The following ME1 variants were observed in gnomAD, a reference collection of about 807,000 sequenced individuals.
ME1 encodes malic enzyme 1.
ME1 carries 74 observed loss-of-function variants against 66.4 expected under a neutral mutation model. That is an observed-to-expected ratio of 1.11 (90% CI 0.92 to 1.35). ME1 has a LOEUF of 1.35. Among genes scored for constraint, ME1 ranks in the 40% most tolerant of loss-of-function variants. The pLI is 0.00. For synonymous variants in ME1, 251 were observed against 235.6 expected (o/e 1.07, Z -0.60); for missense variants, 750 against 694.1 (o/e 1.08, Z -0.90).
chr6:83,392,964 A>G, intron 3 of ME1: 2 of 843,036 alleles, frequency 2.4e-6, no homozygotes, highest in Admixed American at 1.8e-5. Flanking sequence ...CCAGAAGACT[A>G]TGGATGGCTC....
At chr6:83,388,138 A>C (rs1769550127) in intron 3 of ME1, among the ~76,000 whole-genome samples, 1 of 143,670 alleles carries the variant, frequency 7.0e-6, no homozygotes, top group South Asian at 2.1e-4. Flanking sequence ...GGCTAGAAAG[A>C]GTGCAGTGGT....
At chr6:83,375,745 CTT>C (rs900807322) in intron 3 of ME1, among the ~76,000 whole-genome samples, 1 of 152,034 alleles carries the variant, frequency 6.6e-6, no homozygotes, top group African/African-American at 2.4e-5. Flanking sequence ...ATAAATGGCT[CTT>C]ATTATTTTGA....
intron 1 of ME1, among the ~76,000 whole-genome samples, chr6:83,417,153 A>G (rs1207167275): frequency 6.6e-6 from 1 of 152,072 alleles, no homozygotes; most frequent in Non-Finnish European, 1.5e-5. Context: ...GGGCTCAAGC[A>G]ATCCTCTTGC....
chr6:83,389,968 T>C (rs530323445), intron 3 of ME1, among the ~76,000 whole-genome samples: 19 of 152,106 alleles, frequency 1.2e-4, no homozygotes, highest in Admixed American at 1.1e-3. Flanking sequence ...AAAATGATTA[T>C]CTATGACATC....
intron 6 of ME1, among the ~76,000 whole-genome samples, chr6:83,266,337 A>C (rs1168408914): frequency 6.6e-6 from 1 of 152,224 alleles, no homozygotes. Flanking sequence ...AGAATGGTAC[A>C]TTTAGAAATA....
intron 3 of ME1, among the ~76,000 whole-genome samples, chr6:83,356,467 A>G (rs543246879): frequency 6.6e-6 from 1 of 152,302 alleles, no homozygotes; most frequent in South Asian, 2.1e-4. Context: ...TAAAGATGCA[A>G]ATTTAGGATA....
intron 12 of ME1, among the ~76,000 whole-genome samples, chr6:83,219,023 T>G (rs1206419444): frequency 6.6e-6 from 1 of 152,184 alleles, no homozygotes; most frequent in Non-Finnish European, 1.5e-5. Flanking sequence ...GGTATTTAAT[T>G]AAAAGAATAT....
intron 6 of ME1, among the ~76,000 whole-genome samples, chr6:83,261,826 C>G (rs1391282875): frequency 6.6e-6 from 1 of 151,782 alleles, no homozygotes; most frequent in Non-Finnish European, 1.5e-5. Flanking sequence ...CCAGCCTGGC[C>G]AACATGGTGA....
At chr6:83,303,274 G>T (rs535953305) in intron 6 of ME1, among the ~76,000 whole-genome samples, 1 of 152,124 alleles carries the variant, frequency 6.6e-6, no homozygotes, top group African/African-American at 2.4e-5. Flanking sequence ...TATTCTTTGC[G>T]AAGTTAATTT....
intron 5 of ME1, among the ~76,000 whole-genome samples, chr6:83,341,820 C>T (rs1351350159): frequency 1.3e-5 from 2 of 152,146 alleles, no homozygotes; most frequent in African/African-American, 2.4e-5. Flanking sequence ...TTGCAAACCC[C>T]TACCTTTTCT....
intron 6 of ME1, among the ~76,000 whole-genome samples, chr6:83,312,108 T>C (rs190203254): frequency 6.3e-4 from 96 of 152,160 alleles, no homozygotes; most frequent in Admixed American, 6.0e-3. Flanking sequence ...GAATACAGGG[T>C]AATAATCCCC....
At chr6:83,352,005 T>A in intron 4 of ME1, 59 bp downstream of exon 4, 1 of 1,020,588 alleles carries the variant, frequency 9.8e-7, no homozygotes, top group Admixed American at 2.5e-5. Flanking sequence ...TATTTTAAAC[T>A]GTTTTATGGG....
chr6:83,257,687 T>C (rs1052742543), intron 6 of ME1, among the ~76,000 whole-genome samples: 2 of 152,210 alleles, frequency 1.3e-5, no homozygotes, highest in Non-Finnish European at 2.9e-5. Flanking sequence ...ATCATTTCTA[T>C]GGTTACAAAT....
intron 2 of ME1, among the ~76,000 whole-genome samples, chr6:83,405,864 G>C (rs1769932889): frequency 6.6e-6 from 1 of 151,290 alleles, no homozygotes; most frequent in Non-Finnish European, 1.5e-5. Flanking sequence ...TGGGACTACA[G>C]GCGCCCGCCA....
chr6:83,250,796 A>C (rs2128527781), intron 7 of ME1, among the ~76,000 whole-genome samples: 1 of 152,052 alleles, frequency 6.6e-6, no homozygotes, highest in East Asian at 1.9e-4. Flanking sequence ...ACACTCACCA[A>C]CTCTTTCATG....
rs570519571 is a variant in ME1, at chr6:83,211,547, A to AT, written c.*376dup. 1.7e-3 allele frequency: 266 copies of AT among 152,926 alleles called. No homozygotes were observed. Among genetic ancestry groups the AT allele is most frequent in the African/African-American group, 6.1e-3 (250 of 41,290 alleles). The allele number at this position is 152,926 out of a possible 1,614,324, so 9.5% of individuals were successfully genotyped here. A position where few individuals can be genotyped will look rare whatever the true frequency, so the allele number is the denominator to read the frequency against. ...CTAGCTTTTTTTTTTTGAAAAGTAG[A>AT]TTTTAACAAAATGGTCAACAAAATA... On this transcript the variant is annotated 3_prime_UTR_variant, in exon 14 of 14. Coordinates refer to ENST00000369705, the MANE Select transcript of ME1 (RefSeq NM_002395.6).
At position 83,223,451 on chromosome 6, in the gene ME1, A is replaced by G. The variant is rs1484607242; in HGVS notation, c.1449+309T>C. 2.0e-5 allele frequency among the ~76,000 whole-genome samples: 3 copies of G among 152,344 alleles called. No homozygotes were observed. The East Asian group carries it at 5.8e-4, about 29-fold the overall frequency. On this transcript the variant is annotated intron_variant, in intron 12 of 13. Coordinates refer to ENST00000369705, the MANE Select transcript of ME1 (RefSeq NM_002395.6). ...ATTAGGGGCATGAGCCACCACACCC[A>G]GCCCTGGAAACAATATTTTTAATTG...
At chr6:83,392,289 T>C in intron 3 of ME1, 1 of 501,734 alleles carries the variant, frequency 2.0e-6, no homozygotes, top group South Asian at 1.4e-5. Flanking sequence ...GACCCCTTCA[T>C]TGACCTCAAC....
intron 13 of ME1, among the ~76,000 whole-genome samples, chr6:83,213,033 C>A (rs2128522076): frequency 6.9e-6 from 1 of 144,632 alleles, no homozygotes; most frequent in Admixed American, 6.8e-5. Flanking sequence ...TAATTCACAC[C>A]AGTTTTTTTT....
Sources: allele counts gnomAD v4.1 joint callset (sites outside exome capture counted in the v4.1 genomes callset), GRCh38; gene constraint gnomAD v4.1.1; transcripts MANE v1.5; gene names NCBI Gene and HGNC (gene_info 2026-07-23, HGNC 2026-07-21).